Variants in DOK5 observed in about 807,000 individuals in gnomAD.
The protein encoded by DOK5 is docking protein 5, also known as downstream of tyrosine kinase 5.
DOK5 carries 27 observed loss-of-function variants against 43.3 expected under a neutral mutation model. The observed-to-expected ratio is 0.62, with a 90% CI of 0.46 to 0.86. The LOEUF is 0.86. Among genes scored for constraint, DOK5 ranks in the 40% least tolerant of loss-of-function variants. The pLI, the probability that DOK5 is intolerant of heterozygous loss-of-function variation, is 0.00. For synonymous variants in DOK5, 146 were observed against 140.1 expected, an observed-to-expected ratio of 1.04 and a Z score of -0.30; for missense variants, 373 against 392.9, an observed-to-expected ratio of 0.95 and a Z score of 0.43.
In DOK5 at chr20:54,647,106, C is replaced by T. The variant is rs1177553809; in HGVS notation, c.857-3309C>T. Among the ~76,000 whole-genome samples, 8 of 152,264 alleles carry T rather than the reference C, an allele frequency of 5.3e-5. No homozygotes were observed. The East Asian group carries it at 1.5e-3, about 29-fold the overall frequency. ...TGGTTTTGACACGTGCCACACAAGA[C>T]ATACCTAATCTACCTTCACTGCTTC... On this transcript the variant is annotated intron_variant, in intron 7 of 7. Coordinates refer to ENST00000262593, the MANE Select transcript of DOK5 (RefSeq NM_018431.5).
chr20:54,581,045 A>T (rs1015072466), intron 2 of DOK5, among the ~76,000 whole-genome samples: 4 of 151,960 alleles, frequency 2.6e-5, no homozygotes, highest in Non-Finnish European at 4.4e-5. Context: ...TTTTGAATTG[A>T]TTTTTTGTTT....
intron 1 of DOK5, among the ~76,000 whole-genome samples, chr20:54,518,472 G>A (rs953493266): frequency 1.3e-5 from 2 of 152,128 alleles, no homozygotes; most frequent in Non-Finnish European, 2.9e-5. Flanking sequence ...TTTTATGGCT[G>A]CATAGTATTC....
chr20:54,622,549 G>A (rs1029598488), intron 6 of DOK5, among the ~76,000 whole-genome samples: 3 of 152,222 alleles, frequency 2.0e-5, no homozygotes, highest in Admixed American at 1.3e-4. Context: ...TGGTTGACTC[G>A]TGGCTATGCC....
chr20:54,650,344 T>C, intron 7 of DOK5, 71 bp from the exon 8 acceptor site: 1 of 1,478,870 alleles, frequency 6.8e-7, no homozygotes, highest in Non-Finnish European at 9.4e-7. Context: ...ATAGAGAAAG[T>C]TGTTGCCACC....
intron 7 of DOK5, among the ~76,000 whole-genome samples, chr20:54,645,925 C>CAAAAAAACAAAAAA (rs1979391417): frequency 1.2e-5 from 1 of 85,880 alleles, no homozygotes; most frequent in African/African-American, 4.3e-5. Context: ...GCAGATGCTG[C>CAAAAAAACAAAAAA]AAAAAAAAAA....
intron 6 of DOK5, among the ~76,000 whole-genome samples, chr20:54,637,937 A>G (rs536848303): frequency 6.6e-6 from 1 of 152,300 alleles, no homozygotes; most frequent in Admixed American, 6.5e-5. Flanking sequence ...CGTGGCTAAC[A>G]CGGTGAAACC....
chr20:54,581,585 G>C (rs967840701), intron 2 of DOK5, among the ~76,000 whole-genome samples: 8 of 151,764 alleles, frequency 5.3e-5, no homozygotes, highest in Admixed American at 4.6e-4. Flanking sequence ...CTAGTTTTCA[G>C]TGTACAAATA....
intron 1 of DOK5, among the ~76,000 whole-genome samples, chr20:54,491,376 A>C (rs1032569117): frequency 3.3e-5 from 5 of 152,204 alleles, no homozygotes; most frequent in African/African-American, 1.2e-4. Context: ...TAGAATACAT[A>C]CTCATATTCA....
intron 1 of DOK5, among the ~76,000 whole-genome samples, chr20:54,546,420 TTAAG>T (rs1339923749): frequency 6.6e-6 from 1 of 152,150 alleles, no homozygotes; most frequent in East Asian, 1.9e-4. Context: ...TTATTATACT[TTAAG>T]TACTAGGGTA....
At chr20:54,521,544 T>C (rs1193981711) in intron 1 of DOK5, among the ~76,000 whole-genome samples, 1 of 152,120 alleles carries the variant, frequency 6.6e-6, no homozygotes, top group Non-Finnish European at 1.5e-5. Context: ...GAAATGTATA[T>C]GGTATGGGGT....
intron 2 of DOK5, among the ~76,000 whole-genome samples, chr20:54,560,479 G>A (rs1427835900): frequency 2.0e-5 from 3 of 152,146 alleles, no homozygotes; most frequent in Non-Finnish European, 4.4e-5. Flanking sequence ...AGATAAAAGA[G>A]GTTGACTGTA....
At chr20:54,516,634 A>G (rs559217657) in intron 1 of DOK5, among the ~76,000 whole-genome samples, 1 of 152,232 alleles carries the variant, frequency 6.6e-6, no homozygotes, top group Admixed American at 6.5e-5. Flanking sequence ...TGGGAATCCA[A>G]CTCTGACAGT....
At chr20:54,571,292 A>G (rs576659567) in intron 2 of DOK5, among the ~76,000 whole-genome samples, 1 of 152,008 alleles carries the variant, frequency 6.6e-6, no homozygotes, top group East Asian at 1.9e-4. Flanking sequence ...CGCTCTCAGG[A>G]CCTCCTCTCC....
At chr20:54,574,718 T>C (rs1437700964) in intron 2 of DOK5, among the ~76,000 whole-genome samples, 1 of 152,168 alleles carries the variant, frequency 6.6e-6, no homozygotes, top group Non-Finnish European at 1.5e-5. Flanking sequence ...ATCTTGAACC[T>C]GGCAATCATA....
chr20:54,589,556 C>T (rs6023387), intron 4 of DOK5, among the ~76,000 whole-genome samples: 28,125 of 152,136 alleles, frequency 0.18, 5,067 homozygotes, highest in African/African-American at 0.47. Flanking sequence ...AGGAATCATT[C>T]CTTTGTCTCC....
chr20:54,629,834 T>G (rs984053328), intron 6 of DOK5, among the ~76,000 whole-genome samples: 2 of 152,210 alleles, frequency 1.3e-5, no homozygotes, highest in African/African-American at 4.8e-5. Context: ...GCCAGGTGCT[T>G]CAGGCCCAGG....
chr20:54,543,936 C>G (rs1984253806), intron 1 of DOK5, among the ~76,000 whole-genome samples: 1 of 152,072 alleles, frequency 6.6e-6, no homozygotes. Context: ...GTGCATATTT[C>G]CTTAATTATT....
At chr20:54,567,588 ATATAG>A (rs1985140236) in intron 2 of DOK5, among the ~76,000 whole-genome samples, 1 of 152,048 alleles carries the variant, frequency 6.6e-6, no homozygotes, top group Non-Finnish European at 1.5e-5. Flanking sequence ...TACTGTAGCT[ATATAG>A]TAATCTTTAA....
chr20:54,479,100 G>T (rs192422675), intron 1 of DOK5, among the ~76,000 whole-genome samples: 2 of 151,994 alleles, frequency 1.3e-5, no homozygotes, highest in Admixed American at 1.3e-4. Context: ...TAACAGGACA[G>T]GAAACATTCT....
Sources: gnomAD v4.1 joint callset for allele counts (sites outside exome capture counted in the v4.1 genomes callset) on GRCh38, gnomAD v4.1.1 for gene constraint, MANE v1.5 for transcripts, NCBI Gene and HGNC (gene_info 2026-07-23, HGNC 2026-07-21) for gene names.